PTPRD: variants seen among roughly 807,000 people sequenced by gnomAD.
PTPRD encodes receptor-type tyrosine-protein phosphatase delta.
A neutral mutation model predicts 214.5 loss-of-function variants in PTPRD; 34 were observed. The observed-to-expected ratio is 0.16, with a 90% confidence interval of 0.12 to 0.21. The LOEUF is 0.21. Ranked by LOEUF, PTPRD falls within the 10% of genes least tolerant of loss-of-function variation. PTPRD has a pLI of 1.00. For synonymous variants in PTPRD, 1,128 were observed against 845.7 expected, an observed-to-expected ratio of 1.33 and a Z score of -5.79; for missense variants, 2,545 against 2,398.7, an observed-to-expected ratio of 1.06 and a Z score of -1.27.
intron 9 of PTPRD, among the ~76,000 whole-genome samples, chr9:9,221,348 T>A (rs1013194381): frequency 2.0e-5 from 3 of 152,068 alleles, no homozygotes; most frequent in Non-Finnish European, 4.4e-5. Context: ...TAACTTTACT[T>A]CCTCAGGTAA....
At chr9:9,183,637 T>A (rs761992844) in intron 9 of PTPRD, among the ~76,000 whole-genome samples, 4 of 152,058 alleles carry the variant, frequency 2.6e-5, no homozygotes, top group Non-Finnish European at 4.4e-5. Flanking sequence ...GAAACTAACA[T>A]GTCCACCATA....
intron 7 of PTPRD, among the ~76,000 whole-genome samples, chr9:9,610,627 G>A (rs1334217697): frequency 6.6e-6 from 1 of 152,114 alleles, no homozygotes; most frequent in Admixed American, 6.6e-5. Flanking sequence ...GTCTACAGGG[G>A]ATGTTTGAAA....
rs893372005 is a variant in PTPRD at position 8,633,833 on chromosome 9, G to A, written c.211-375C>T. Among the ~76,000 whole-genome samples, 18 of 152,042 alleles carry A rather than the reference G, an allele frequency of 1.2e-4. No homozygotes were observed. In the East Asian group the frequency reaches 2.1e-3, roughly 18 times the overall value. On this transcript the variant is annotated intron_variant, in intron 13 of 45. Transcript: ENST00000381196. ...ATTCTTTCTCTCACAGCACATATAC[G>A]AATGTGGATTCATTCAATAATGGGA...
intron 11 of PTPRD, among the ~76,000 whole-genome samples, chr9:8,736,329 G>C (rs937399586): frequency 2.6e-5 from 4 of 152,136 alleles, no homozygotes; most frequent in Admixed American, 6.5e-5. Flanking sequence ...AAAATAAAGA[G>C]AGTAGATCAC....
chr9:8,837,082 G>T (rs1393353396), intron 11 of PTPRD, among the ~76,000 whole-genome samples: 1 of 145,428 alleles, frequency 6.9e-6, no homozygotes, highest in South Asian at 2.2e-4. Context: ...CTGGAGTGCA[G>T]TGGTACGATC....
At chr9:10,544,105 T>C (rs372474781) in intron 2 of PTPRD, among the ~76,000 whole-genome samples, 2 of 152,178 alleles carry the variant, frequency 1.3e-5, no homozygotes, top group African/African-American at 4.8e-5. Flanking sequence ...TAAGGAACAA[T>C]AATTGTCCTT....
chr9:10,327,241 G>T (rs950716206), intron 3 of PTPRD, among the ~76,000 whole-genome samples: 1 of 148,874 alleles, frequency 6.7e-6, no homozygotes, highest in Admixed American at 6.7e-5. Context: ...AGCAGGAAAT[G>T]AAAAAGAAAA....
chr9:8,497,132 G>T, intron 26 of PTPRD, 110 bp downstream of exon 26: 1 of 926,832 alleles, frequency 1.1e-6, no homozygotes, highest in South Asian at 1.7e-5. Flanking sequence ...TAATTTGTTA[G>T]TTCATGCATC....
At chr9:9,895,036 A>C (rs1166646780) in intron 5 of PTPRD, among the ~76,000 whole-genome samples, 1 of 152,046 alleles carries the variant, frequency 6.6e-6, no homozygotes, top group African/African-American at 2.4e-5. Flanking sequence ...GGGTTGAAAT[A>C]ATGTGTAAAC....
chr9:9,650,152 G>T (rs1245453022), intron 7 of PTPRD, among the ~76,000 whole-genome samples: 1 of 152,062 alleles, frequency 6.6e-6, no homozygotes, highest in Non-Finnish European at 1.5e-5. Flanking sequence ...GTTTAAAAGG[G>T]TTTAAAAGTG....
chr9:9,629,231 T>G (rs1196796490), intron 7 of PTPRD, among the ~76,000 whole-genome samples: 1 of 131,856 alleles, frequency 7.6e-6, no homozygotes, highest in Non-Finnish European at 1.7e-5. Context: ...TATATATGTG[T>G]GTGTGTGTAT....
chr9:9,771,894 A>G (rs1402182436), intron 5 of PTPRD, among the ~76,000 whole-genome samples: 1 of 152,222 alleles, frequency 6.6e-6, no homozygotes, highest in Non-Finnish European at 1.5e-5. Flanking sequence ...TTTTACTCTC[A>G]TAAAAGACAG....
chr9:10,183,177 T>G (rs958701606), intron 3 of PTPRD, among the ~76,000 whole-genome samples: 1 of 152,118 alleles, frequency 6.6e-6, no homozygotes, highest in African/African-American at 2.4e-5. Context: ...TGTTTGCCAT[T>G]TTTTTAAAGA....
intron 9 of PTPRD, among the ~76,000 whole-genome samples, chr9:9,266,581 A>G (rs1594828748): frequency 1.3e-5 from 2 of 151,432 alleles, no homozygotes; most frequent in African/African-American, 4.8e-5. Context: ...GAAACTAGGT[A>G]TCAATAAGTG....
intron 3 of PTPRD, among the ~76,000 whole-genome samples, chr9:10,330,165 A>T (rs1316746203): frequency 1.3e-5 from 2 of 151,824 alleles, no homozygotes; most frequent in Non-Finnish European, 2.9e-5. Flanking sequence ...TTTCTAAGAC[A>T]TTTTAACTGG....
intron 9 of PTPRD, among the ~76,000 whole-genome samples, chr9:9,189,758 T>C (rs2099933962): frequency 6.6e-6 from 1 of 152,086 alleles, no homozygotes; most frequent in Non-Finnish European, 1.5e-5. Context: ...AAAATCTGGC[T>C]CTTTATTATT....
At chr9:8,600,434 G>C (rs570605339) in intron 14 of PTPRD, among the ~76,000 whole-genome samples, 98 of 152,184 alleles carry the variant, frequency 6.4e-4, no homozygotes, top group Non-Finnish European at 8.5e-4. Context: ...AGCCTGGGTA[G>C]TTAAGGGAGT....
At chr9:10,410,495 T>C (rs1376043873) in intron 2 of PTPRD, among the ~76,000 whole-genome samples, 4 of 151,236 alleles carry the variant, frequency 2.6e-5, no homozygotes, top group African/African-American at 4.8e-5. Flanking sequence ...AGATGGTTTA[T>C]AGACACAAAC....
chr9:9,010,522 T>C (rs903193887), intron 11 of PTPRD, among the ~76,000 whole-genome samples: 5 of 152,182 alleles, frequency 3.3e-5, no homozygotes, highest in African/African-American at 4.8e-5. Flanking sequence ...AAAGAGGAGT[T>C]CTGTTATTTA....
Sources: gnomAD v4.1 joint callset for allele counts (sites outside exome capture counted in the v4.1 genomes callset) on GRCh38, gnomAD v4.1.1 for gene constraint, MANE v1.5 for transcripts, NCBI Gene and HGNC (gene_info 2026-07-23, HGNC 2026-07-21) for gene names.